Variants in SANBR observed in about 807,000 individuals in gnomAD.
SANBR encodes the protein SANT and BTB domain regulator of CSR.
In SANBR, 77 loss-of-function variants were observed where a neutral mutation model predicts 101.8. The observed-to-expected ratio is 0.76, with a 90% CI of 0.63 to 0.91. SANBR has a LOEUF of 0.91. Among genes scored for constraint, SANBR ranks in the 40% least tolerant of loss-of-function variants. SANBR has a pLI of 0.00. For synonymous variants in SANBR, 279 were observed against 274.7 expected, an observed-to-expected ratio of 1.02 and a Z score of -0.15; for missense variants, 875 against 853.0, an observed-to-expected ratio of 1.03 and a Z score of -0.32.
At chr2:61,116,318 T>C (rs1684078883) in intron 17 of SANBR, among the ~76,000 whole-genome samples, 1 of 152,138 alleles carries the variant, frequency 6.6e-6, no homozygotes, top group South Asian at 2.1e-4. Flanking sequence ...ATAAATAACT[T>C]CCTTGTATAT....
At chr2:61,121,628 T>G (rs1342321238) in intron 21 of SANBR, 2 of 175,242 alleles carry the variant, frequency 1.1e-5, no homozygotes, top group African/African-American at 4.8e-5. Flanking sequence ...TCTTTACCAC[T>G]CCTTGCTTTA....
chr2:61,131,224 A>C (rs1684680927), intron 20 of SANBR, among the ~76,000 whole-genome samples: 1 of 152,156 alleles, frequency 6.6e-6, no homozygotes, highest in South Asian at 2.1e-4. Context: ...AAAAAATGAC[A>C]TAAAATGCAT....
At chr2:61,093,521 G>T (rs1366461841) in intron 11 of SANBR, among the ~76,000 whole-genome samples, 2 of 152,118 alleles carry the variant, frequency 1.3e-5, no homozygotes, top group Non-Finnish European at 2.9e-5. Flanking sequence ...CTTGAACCCG[G>T]GAGGCAGAGG....
downstream of SANBR, among the ~76,000 whole-genome samples, chr2:61,126,323 C>A (rs1314245995): frequency 6.6e-6 from 1 of 152,232 alleles, no homozygotes; most frequent in Non-Finnish European, 1.5e-5. Flanking sequence ...TCTCCACTAT[C>A]ACCACCCCCA....
chr2:61,119,865 AG>A (rs1164187769), intron 20 of SANBR, among the ~76,000 whole-genome samples: 1 of 152,084 alleles, frequency 6.6e-6, no homozygotes, highest in Non-Finnish European at 1.5e-5. Context: ...GCGAGACTGA[AG>A]TAGGAGGATC....
chr2:61,133,858 T>C (rs1443535801), intron 20 of SANBR, among the ~76,000 whole-genome samples: 1 of 152,190 alleles, frequency 6.6e-6, no homozygotes, highest in African/African-American at 2.4e-5. Context: ...TGTTCAAAAC[T>C]GATTGTGGTA....
chr2:61,106,716 T>G (rs1386983370), intron 14 of SANBR, 54 bp downstream of exon 14: 8 of 1,095,710 alleles, frequency 7.3e-6, no homozygotes, highest in Non-Finnish European at 1.1e-5. Flanking sequence ...TAATGACATT[T>G]AATCTTTGAC....
intron 16 of SANBR, among the ~76,000 whole-genome samples, chr2:61,110,437 T>C (rs977633816): frequency 6.6e-6 from 1 of 152,056 alleles, no homozygotes; most frequent in African/African-American, 2.4e-5. Context: ...CTCAGCACTT[T>C]AGGAGGCCGA....
intron 6 of SANBR, 66 bp downstream of exon 6, chr2:61,077,224 C>G: frequency 8.8e-7 from 1 of 1,139,536 alleles, no homozygotes; most frequent in Admixed American, 1.9e-5. Flanking sequence ...TTCTTCAGGC[C>G]AAAAGTGAAA....
chr2:61,115,751 C>CA (rs887564396), intron 16 of SANBR: 544 of 307,438 alleles, frequency 1.8e-3, no homozygotes, highest in Middle Eastern at 3.0e-3. Context: ...GACTCTGTCT[C>CA]AAAAAAAAAG....
intron 6 of SANBR, among the ~76,000 whole-genome samples, chr2:61,080,959 G>A (rs1161516187): frequency 6.6e-6 from 1 of 152,046 alleles, no homozygotes; most frequent in Admixed American, 6.6e-5. Flanking sequence ...ATGTCTGAAA[G>A]CTCACTCATT....
chr2:61,099,615 G>A (rs1683193890), intron 12 of SANBR, among the ~76,000 whole-genome samples: 1 of 152,212 alleles, frequency 6.6e-6, no homozygotes, highest in African/African-American at 2.4e-5. Flanking sequence ...TGGGAGCTCA[G>A]AGAAGTGGCT....
At chr2:61,083,409 T>G in intron 8 of SANBR, 95 bp downstream of exon 8, 1 of 901,740 alleles carries the variant, frequency 1.1e-6, no homozygotes, top group Non-Finnish European at 1.7e-6. Context: ...TTTTTCTTTT[T>G]TCTTTGAGAA....
chr2:61,081,418 T>C (rs771155722), intron 6 of SANBR, 34 bp from the exon 7 acceptor site: 2 of 1,562,766 alleles, frequency 1.3e-6, no homozygotes, highest in Non-Finnish European at 1.7e-6. Flanking sequence ...GGGGTACCCA[T>C]CAAAAGGGTA....
intron 16 of SANBR, among the ~76,000 whole-genome samples, chr2:61,110,882 A>G (rs564937387): frequency 1.3e-5 from 2 of 152,192 alleles, no homozygotes; most frequent in South Asian, 4.1e-4. Context: ...ATTGTAAGTT[A>G]GATACAAAAT....
intron 6 of SANBR, among the ~76,000 whole-genome samples, chr2:61,078,001 C>G (rs897548560): frequency 6.6e-6 from 1 of 152,314 alleles, no homozygotes; most frequent in Middle Eastern, 3.4e-3. Context: ...TAACTTGCTT[C>G]CATGTGCTTG....
chr2:61,121,060 T>C (rs1684311411), intron 20 of SANBR, 125 bp from the exon 21 acceptor site: 1 of 698,750 alleles, frequency 1.4e-6, no homozygotes, highest in Admixed American at 3.0e-5. Flanking sequence ...AAATTAAACC[T>C]CAAAAAGACT....
intron 20 of SANBR, among the ~76,000 whole-genome samples, chr2:61,120,489 G>A (rs527904727): frequency 2.2e-4 from 34 of 152,266 alleles, no homozygotes; most frequent in South Asian, 6.2e-4. Flanking sequence ...AACACAGAGC[G>A]ATACTCCATC....
chr2:61,106,533 T>A, intron 13 of SANBR, 30 bp from the exon 14 acceptor site: 1 of 1,410,808 alleles, frequency 7.1e-7, no homozygotes, highest in Non-Finnish European at 9.8e-7. Context: ...AAGTAAACTC[T>A]TCTCCGTAAA....
Sources: allele counts gnomAD v4.1 joint callset (sites outside exome capture counted in the v4.1 genomes callset), GRCh38; gene constraint gnomAD v4.1.1; transcripts MANE v1.5; gene names NCBI Gene and HGNC (gene_info 2026-07-23, HGNC 2026-07-21).